Variants in MTMR9 observed in about 807,000 individuals in gnomAD.
The protein encoded by MTMR9 is myotubularin related protein 9.
A neutral mutation model predicts 69.5 loss-of-function variants in MTMR9; 39 were observed. The observed-to-expected ratio is 0.56, with a 90% confidence interval of 0.43 to 0.73. The LOEUF (loss-of-function observed/expected upper bound fraction) is 0.73, where lower values mean the gene tolerates loss of function less well. Among genes scored for constraint, MTMR9 ranks in the 30% least tolerant of loss-of-function variants. The pLI, the probability that MTMR9 is intolerant of heterozygous loss-of-function variation, is 0.00. For missense variants in MTMR9, 900 were observed against 671.2 expected, an observed-to-expected ratio of 1.34 and a Z score of -3.77; for synonymous variants, 354 against 240.8, an observed-to-expected ratio of 1.47 and a Z score of -4.35.
chr8:11,285,128 C>G (rs1799100628), intron 1 of MTMR9, 58 bp downstream of exon 1: 2 of 1,448,346 alleles, frequency 1.4e-6, no homozygotes, highest in Non-Finnish European at 1.8e-6. Flanking sequence ...GTGGGCGCCC[C>G]GGGAAATACT....
At chr8:11,333,837 G>A in the MTMR9 span, among the ~76,000 whole-genome samples, 13 of 152,254 alleles carry the variant, frequency 8.5e-5, no homozygotes, top group African/African-American at 2.9e-4. Flanking sequence ...TGGTTTGAAT[G>A]TCCCCTCTAA....
downstream of MTMR9, chr8:11,332,186 CAAAA>C (rs1423766764): frequency 1.0e-5 from 13 of 1,292,014 alleles, no homozygotes; most frequent in African/African-American, 1.7e-5. Context: ...AGACTGAAGA[CAAAA>C]AAAAAATAAA....
At chr8:11,292,076 G>A (rs1255509145) in intron 1 of MTMR9, among the ~76,000 whole-genome samples, 2 of 152,066 alleles carry the variant, frequency 1.3e-5, no homozygotes, top group Non-Finnish European at 2.9e-5. Flanking sequence ...AGTCACAGAT[G>A]AGTTTGCATT....
chr8:11,294,267 G>C (rs1029979134), intron 1 of MTMR9, among the ~76,000 whole-genome samples: 1 of 152,044 alleles, frequency 6.6e-6, no homozygotes, highest in Non-Finnish European at 1.5e-5. Context: ...GTGCAATGTT[G>C]ACTAGAAGTG....
chr8:11,333,807 A>T, the MTMR9 span, among the ~76,000 whole-genome samples: 3 of 152,052 alleles, frequency 2.0e-5, no homozygotes, highest in Non-Finnish European at 2.9e-5. Flanking sequence ...GAGTGAAGAA[A>T]TAAATATTTC....
rs1800967373 is a variant in MTMR9 at position 11,327,046 on chromosome 8, ACTTT to A, written c.*4262_*4265del. ...TGATAAAATATATACTGATACTATAACTTTCTTATGGTATCAGTTTTCTTTATTT... is the reference window on the plus strand; with the variant it reads ...TGATAAAATATATACTGATACTATAACTTATGGTATCAGTTTTCTTTATTT... On this transcript the variant is annotated 3_prime_UTR_variant, in exon 10 of 10. Transcript: ENST00000221086. 1.3e-5 allele frequency: 2 copies of A among 151,912 alleles called. No individual in the cohort carries two copies. Among genetic ancestry groups the A allele is most frequent in the Admixed American group, 6.6e-5 (1 of 15,256 alleles). 9.4% of individuals were successfully genotyped at this position (151,912 alleles called of 1,614,324 possible). A position where few individuals can be genotyped will look rare whatever the true frequency, so the allele number is the denominator to read the frequency against.
chr8:11,298,969 C>A, intron 2 of MTMR9: 1 of 656,866 alleles, frequency 1.5e-6, no homozygotes, highest in Non-Finnish European at 1.9e-6. Flanking sequence ...GACCAAATGG[C>A]ATATACCAGT....
In MTMR9 at chr8:11,299,527, G is replaced by A. The variant is rs538346990; in HGVS notation, c.292-496G>A. On this transcript the variant is annotated intron_variant, in intron 2 of 9. Transcript: ENST00000221086. ...CTGCTAGGATTTGGAATTTCAGTCCGGCATTCTCATTCCCATCTGACTGTA... is the reference window on the plus strand; with the variant it reads ...CTGCTAGGATTTGGAATTTCAGTCCAGCATTCTCATTCCCATCTGACTGTA... 4.6e-5 allele frequency among the ~76,000 whole-genome samples: 7 copies of A among 152,192 alleles called. No individual in the cohort carries two copies. In the South Asian group the frequency reaches 1.2e-3, roughly 27 times the overall value.
rs76493816 is a variant in MTMR9, at chr8:11,318,134, T to A, written c.1334+1241T>A. 1.1e-4 allele frequency: 17 copies of A among 152,358 alleles called. No homozygotes were observed. In the East Asian group the frequency reaches 3.3e-3, roughly 29 times the overall value. The allele number at this position is 152,358 out of a possible 1,614,324, so 9.4% of individuals were successfully genotyped here. A position where few individuals can be genotyped will look rare whatever the true frequency, so the allele number is the denominator to read the frequency against. ...TGATGATGAATTTTTTTTGGTGTTATACCTGTTAATATCCTCAGGACTAGC... is the reference window on the plus strand; with the variant it reads ...TGATGATGAATTTTTTTTGGTGTTAAACCTGTTAATATCCTCAGGACTAGC... On this transcript the variant is annotated intron_variant, in intron 8 of 9. Coordinates refer to ENST00000221086, the MANE Select transcript of MTMR9 (RefSeq NM_015458.4).
intron 1 of MTMR9, among the ~76,000 whole-genome samples, chr8:11,287,580 G>A (rs933775651): frequency 2.0e-5 from 3 of 150,676 alleles, no homozygotes; most frequent in South Asian, 2.1e-4. Context: ...TGAGCTGTGC[G>A]GCTGCAGTGG....
At position 11,327,399 on chromosome 8, in the gene MTMR9, A is replaced by ACTATATTTG. The variant is rs1269280534; in HGVS notation, c.*4612_*4620dup. 69 of 152,348 alleles carry ACTATATTTG rather than the reference A, an allele frequency of 4.5e-4. No homozygotes were observed. Among genetic ancestry groups the ACTATATTTG allele is most frequent in the African/African-American group, 1.2e-3 (50 of 41,584 alleles). The allele number at this position is 152,348 out of a possible 1,614,324, so 9.4% of individuals were successfully genotyped here. ...TAACCGTCTGCAGGTCTAAGGATTAACTATATTTGTGATTTGTAATAAAAC... is the reference window on the plus strand; with the variant it reads ...TAACCGTCTGCAGGTCTAAGGATTAACTATATTTGCTATATTTGTGATTTGTAATAAAAC... On this transcript the variant is annotated 3_prime_UTR_variant, in exon 10 of 10. Transcript: ENST00000221086.
chr8:11,309,444 T>C, intron 5 of MTMR9, 83 bp from the exon 6 acceptor site: 3 of 1,184,288 alleles, frequency 2.5e-6, no homozygotes, highest in Non-Finnish European at 1.2e-6. Context: ...CTCTTAGATA[T>C]GTTGGAGGCT....
At chr8:11,336,430 T>G in the MTMR9 span, among the ~76,000 whole-genome samples, 3,453 of 152,328 alleles carry the variant, frequency 0.023, 129 homozygotes, top group African/African-American at 0.076. Flanking sequence ...TAGATTCCCT[T>G]TGGTGAACAT....
At position 11,287,474 on chromosome 8, in the gene MTMR9, G is replaced by A. The variant is rs184755497; in HGVS notation, c.182+2404G>A. On this transcript the variant is annotated intron_variant, in intron 1 of 9. Coordinates refer to ENST00000221086, the MANE Select transcript of MTMR9 (RefSeq NM_015458.4). ...TCCTTTTCCTGGGAAGCAGCGTGGT[G>A]TAGTGAAAGAGCATAGGGGAGGCAT... is the stretch of plus-strand genomic sequence containing the variant. 7.7e-3 allele frequency among the ~76,000 whole-genome samples: 1,149 copies of A among 149,362 alleles called. 13 individuals carry two copies. Among genetic ancestry groups the A allele is most frequent in the Non-Finnish European group, 0.011 (763 of 67,910 alleles).
chr8:11,299,650 C>G (rs1039505898), intron 2 of MTMR9, among the ~76,000 whole-genome samples: 3 of 152,316 alleles, frequency 2.0e-5, no homozygotes, highest in South Asian at 2.1e-4. Context: ...GATTTTGAGC[C>G]AAGACCTTAC....
chr8:11,331,870 G>A (rs58797482), downstream of MTMR9: 1 of 1,612,016 alleles, frequency 6.2e-7, no homozygotes, highest in African/African-American at 1.3e-5. Context: ...AGTTGGAGTT[G>A]TGTGGGGGCA....
chr8:11,338,232 A>T, the MTMR9 span, among the ~76,000 whole-genome samples: 3 of 152,244 alleles, frequency 2.0e-5, no homozygotes, highest in African/African-American at 7.2e-5. Flanking sequence ...TTGAAGAATG[A>T]GTCAAAAGGC....
chr8:11,301,019 T>C (rs1203653401), intron 3 of MTMR9, among the ~76,000 whole-genome samples: 1 of 152,156 alleles, frequency 6.6e-6, no homozygotes, highest in African/African-American at 2.4e-5. Context: ...CATCAGTGAA[T>C]GGGTGGTGCT....
intron 1 of MTMR9, among the ~76,000 whole-genome samples, chr8:11,285,965 T>C (rs1563261417): frequency 6.9e-6 from 1 of 143,962 alleles, no homozygotes; most frequent in Admixed American, 6.8e-5. Flanking sequence ...TTTTTTTTTT[T>C]TTTTTGGAGA....
Sources: gnomAD v4.1 joint callset for allele counts (sites outside exome capture counted in the v4.1 genomes callset) on GRCh38, gnomAD v4.1.1 for gene constraint, MANE v1.5 for transcripts, NCBI Gene and HGNC (gene_info 2026-07-23, HGNC 2026-07-21) for gene names.